The following PDZRN4 variants were observed in gnomAD, a reference collection of about 807,000 sequenced individuals.
PDZRN4 encodes PDZ domain containing ring finger 4, also known as PDZ domain-containing RING finger protein 4.
Under a neutral mutation model 99.0 loss-of-function variants are expected in PDZRN4, and 70 were observed. That is an observed-to-expected ratio of 0.71 (90% CI 0.58 to 0.86). The LOEUF is 0.86. Ranked by LOEUF, PDZRN4 falls within the 40% of genes least tolerant of loss-of-function variation. The probability of loss-of-function intolerance (pLI) is 0.00; values close to 1 mark genes in which losing one functional copy is unlikely to be tolerated. For missense variants in PDZRN4, 1,474 were observed against 1,331.2 expected (o/e 1.11, Z -1.67); for synonymous variants, 551 against 501.6 (o/e 1.10, Z -1.32).
At chr12:41,340,845 G>C (rs977541723) in intron 3 of PDZRN4, among the ~76,000 whole-genome samples, 1 of 151,716 alleles carries the variant, frequency 6.6e-6, no homozygotes, top group Non-Finnish European at 1.5e-5. Context: ...AATTGAAGAC[G>C]GGGAAGCACT....
chr12:41,395,948 A>T (rs1188250049), intron 3 of PDZRN4, among the ~76,000 whole-genome samples: 1 of 152,068 alleles, frequency 6.6e-6, no homozygotes, highest in African/African-American at 2.4e-5. Flanking sequence ...CTCAGAAGGC[A>T]TTTTTTTAAT....
chr12:41,312,096 A>G (rs1269646513), intron 3 of PDZRN4, among the ~76,000 whole-genome samples: 2 of 152,142 alleles, frequency 1.3e-5, no homozygotes, highest in African/African-American at 4.8e-5. Context: ...TACCATGCCC[A>G]AATACTAAAA....
intron 3 of PDZRN4, among the ~76,000 whole-genome samples, chr12:41,377,354 T>C (rs1340162470): frequency 6.6e-6 from 1 of 152,202 alleles, no homozygotes; most frequent in Non-Finnish European, 1.5e-5. Context: ...TTTTGATCCA[T>C]GAATAGAAGA....
At chr12:41,198,979 G>C (rs967770605) in intron 3 of PDZRN4, among the ~76,000 whole-genome samples, 1 of 152,082 alleles carries the variant, frequency 6.6e-6, no homozygotes, top group African/African-American at 2.4e-5. Context: ...ATCTTTGGTA[G>C]TTGTCACGTT....
At chr12:41,242,263 T>C (rs1951106148) in intron 3 of PDZRN4, among the ~76,000 whole-genome samples, 1 of 152,200 alleles carries the variant, frequency 6.6e-6, no homozygotes, top group Non-Finnish European at 1.5e-5. Flanking sequence ...ACCTACTTTC[T>C]AGTCTGTTTT....
intron 5 of PDZRN4, among the ~76,000 whole-genome samples, chr12:41,514,501 G>T (rs1303274408): frequency 1.3e-5 from 2 of 151,704 alleles, no homozygotes; most frequent in Non-Finnish European, 2.9e-5. Flanking sequence ...TGAAGCCAGT[G>T]TTGAAAAAAA....
intron 4 of PDZRN4, among the ~76,000 whole-genome samples, chr12:41,506,963 G>T (rs543279789): frequency 6.6e-6 from 1 of 152,072 alleles, no homozygotes; most frequent in African/African-American, 2.4e-5. Context: ...AAAAATTCTG[G>T]CTCTGATTAG....
chr12:41,236,540 T>C (rs1159174783), intron 3 of PDZRN4, among the ~76,000 whole-genome samples: 2 of 151,706 alleles, frequency 1.3e-5, no homozygotes, highest in Non-Finnish European at 2.9e-5. Flanking sequence ...AAATTAGAGA[T>C]GAAGGAAAAG....
chr12:41,402,192 C>T (rs9668305), intron 3 of PDZRN4, among the ~76,000 whole-genome samples: 50 of 978 alleles, frequency 0.051, 5 homozygotes, highest in East Asian at 0.17. Flanking sequence ...TATATATATA[C>T]ACACACACTG....
At chr12:41,458,625 G>GAGCTT in intron 3 of PDZRN4, among the ~76,000 whole-genome samples, 1 of 152,038 alleles carries the variant, frequency 6.6e-6, no homozygotes, top group African/African-American at 2.4e-5. Context: ...GATGAAGTAA[G>GAGCTT]GAGCTTTGCA....
intron 3 of PDZRN4, among the ~76,000 whole-genome samples, chr12:41,234,072 T>C (rs1951049239): frequency 6.6e-6 from 1 of 152,048 alleles, no homozygotes; most frequent in Admixed American, 6.6e-5. Flanking sequence ...TATTGCTCCT[T>C]GATTAATAGA....
intron 3 of PDZRN4, among the ~76,000 whole-genome samples, chr12:41,230,184 A>T (rs1951018860): frequency 6.6e-6 from 1 of 151,894 alleles, no homozygotes; most frequent in Non-Finnish European, 1.5e-5. Flanking sequence ...CTTTAAGTTG[A>T]TCAAGCAGAG....
chr12:41,545,512 TG>T (rs1938932558), intron 5 of PDZRN4, among the ~76,000 whole-genome samples: 1 of 21,594 alleles, frequency 4.6e-5, no homozygotes, highest in African/African-American at 6.3e-4. Context: ...GATATTAATG[TG>T]TGTGTGTGTG....
In PDZRN4 at chr12:41,555,762, T is replaced by G. The variant is rs1180526418; in HGVS notation, c.1365+2T>G. ...CGAGAAGGGGATCGGATTTTGCAAG[T>G]AGGTGGTATAGTAATTTCCTTTAGT... On this transcript the variant is annotated splice_donor_variant, in intron 7 of 9. Transcript: ENST00000402685. LOFTEE classifies it high-confidence loss of function. 6 of 1,611,696 alleles carry G rather than the reference T, an allele frequency of 3.7e-6. No individual in the cohort carries two copies. The highest frequency in any genetic ancestry group is 5.1e-6 in the Non-Finnish European group (6 of 1,177,908).
At chr12:41,330,507 A>C (rs1951735806) in intron 3 of PDZRN4, among the ~76,000 whole-genome samples, 1 of 147,336 alleles carries the variant, frequency 6.8e-6, no homozygotes, top group Admixed American at 6.8e-5. Flanking sequence ...AAAAAAAAAA[A>C]GACAATTTCC....
At chr12:41,293,624 C>T (rs1031070279) in intron 3 of PDZRN4, among the ~76,000 whole-genome samples, 4 of 152,100 alleles carry the variant, frequency 2.6e-5, no homozygotes, top group Admixed American at 2.6e-4. Context: ...GTATGTTGTA[C>T]TCCAAGTAGA....
intron 5 of PDZRN4, among the ~76,000 whole-genome samples, chr12:41,542,814 TG>T (rs1365087797): frequency 3.9e-5 from 6 of 152,200 alleles, no homozygotes; most frequent in Admixed American, 2.0e-4. Context: ...ATCATAATTA[TG>T]TTTTTTTTTC....
chr12:41,443,981 G>A (rs530321163), intron 3 of PDZRN4, among the ~76,000 whole-genome samples: 2 of 152,112 alleles, frequency 1.3e-5, no homozygotes, highest in African/African-American at 2.4e-5. Flanking sequence ...CTGAGAAACA[G>A]GCCAATAAGA....
chr12:41,437,947 G>C, intron 3 of PDZRN4: 1 of 1,613,974 alleles, frequency 6.2e-7, no homozygotes, highest in Non-Finnish European at 8.5e-7. Context: ...TTCTTAGAAT[G>C]GGCTGCAATT....
Sources: allele counts gnomAD v4.1 joint callset (sites outside exome capture counted in the v4.1 genomes callset), GRCh38; gene constraint gnomAD v4.1.1; transcripts MANE v1.5; gene names NCBI Gene and HGNC (gene_info 2026-07-23, HGNC 2026-07-21).